The following RUFY1 variants were observed in gnomAD, a reference collection of about 807,000 sequenced individuals.
The protein encoded by RUFY1 is RUN and FYVE domain containing 1, also known as RUN and FYVE domain-containing protein 1.
In RUFY1, 54 loss-of-function variants were observed where a neutral mutation model predicts 94.6. The observed-to-expected ratio is 0.57, with a 90% CI of 0.46 to 0.72. The LOEUF (loss-of-function observed/expected upper bound fraction) is 0.72, where lower values mean the gene tolerates loss of function less well. Among genes scored for constraint, RUFY1 ranks in the 30% least tolerant of loss-of-function variants. The pLI, the probability that RUFY1 is intolerant of heterozygous loss-of-function variation, is 0.00. For synonymous variants in RUFY1, 396 were observed against 347.3 expected, an observed-to-expected ratio of 1.14 and a Z score of -1.56; for missense variants, 883 against 883.9, an observed-to-expected ratio of 1.00 and a Z score of 0.01.
chr5:179,593,262 G>A (rs992472150), intron 10 of RUFY1, among the ~76,000 whole-genome samples: 2 of 151,896 alleles, frequency 1.3e-5, no homozygotes, highest in African/African-American at 4.8e-5. Flanking sequence ...ATTTTTAGTA[G>A]AGATGGGGTT....
chr5:179,552,581 CTT>C (rs1761918537), intron 1 of RUFY1, among the ~76,000 whole-genome samples: 1 of 152,186 alleles, frequency 6.6e-6, no homozygotes, highest in Non-Finnish European at 1.5e-5. Context: ...TTTCCCGAGA[CTT>C]TTCCACACAT....
In RUFY1 at chr5:179,562,695, G is replaced by T. The variant is rs765041123; in HGVS notation, c.602+31G>T. ...TGAGAAGTAGTTCTGCCAATTTGAT[G>T]ATTTTAAAAACTCCCTCATATTTAC... On this transcript the variant is annotated intron_variant, in intron 3 of 17. Transcript: ENST00000319449. 11 of 1,183,254 alleles carry T rather than the reference G, an allele frequency of 9.3e-6. No individual in the cohort carries two copies. In the South Asian group the frequency reaches 1.3e-4, roughly 14 times the overall value. 73.3% of individuals were successfully genotyped at this position (1,183,254 alleles called of 1,614,324 possible). A position where few individuals can be genotyped will look rare whatever the true frequency, so the allele number is the denominator to read the frequency against.
chr5:179,575,910 T>C lies in RUFY1; in HGVS notation c.829-1165T>C, dbSNP rs543766311. 7.2e-5 allele frequency among the ~76,000 whole-genome samples: 11 copies of C among 152,126 alleles called. No individual in the cohort carries two copies. In the South Asian group the frequency reaches 1.0e-3, roughly 14 times the overall value. The stretch of plus-strand genomic sequence containing the variant: ...AATCCTCTCACCTCAGCCTCCCAAG[T>C]AGCTGGGACTACAGGCATGTACCAC... On this transcript the variant is annotated intron_variant, in intron 5 of 17. Coordinates refer to ENST00000319449, the MANE Select transcript of RUFY1 (RefSeq NM_025158.5).
Position 179,585,803 on chromosome 5 carries a change from G to A in RUFY1, c.964G>A (p.Val322Ile). The change falls in exon 8 of 18, where the codon GTT (valine) becomes ATT (isoleucine). Residue 322 changes from valine to isoleucine, a missense_variant. Transcript: ENST00000319449. Reference sequence around the variant, plus strand: ...TATTCTTATTTTCTACAGCTGCACAGTTGGGGATCTTCAAACCAAGATAGA... The same window carrying A: ...TATTCTTATTTTCTACAGCTGCACAATTGGGGATCTTCAAACCAAGATAGA... Reference protein sequence around the residue: ...EELNRHLSCTVGDLQTKIDGL... With the variant: ...EELNRHLSCTIGDLQTKIDGL... 7 of 1,611,272 alleles carry A rather than the reference G, an allele frequency of 4.3e-6. No homozygotes were observed. The highest frequency in any genetic ancestry group is 1.7e-4 in the Middle Eastern group (1 of 6,052).
At chr5:179,577,683 G>T (rs1329673252) in intron 6 of RUFY1, among the ~76,000 whole-genome samples, 1 of 150,818 alleles carries the variant, frequency 6.6e-6, no homozygotes, top group Non-Finnish European at 1.5e-5. Flanking sequence ...GAGCAAATCC[G>T]GGTTGGACTG....
chr5:179,554,793 C>A (rs573109562), intron 1 of RUFY1, among the ~76,000 whole-genome samples: 1 of 151,734 alleles, frequency 6.6e-6, no homozygotes, highest in South Asian at 2.1e-4. Context: ...CATGGTGAAA[C>A]CCCGTCTCCA....
Position 179,581,016 on chromosome 5 carries a change from A to G in RUFY1, c.956+4A>G. The stretch of plus-strand genomic sequence containing the variant: ...AAGAACTTAACCGGCACTTGAGGTA[A>G]GACTCCTTTTTTTTTCAATGTGACA... On this transcript the variant is annotated splice_donor_region_variant and intron_variant, in intron 7 of 17. Coordinates refer to ENST00000319449, the MANE Select transcript of RUFY1 (RefSeq NM_025158.5). 6.3e-7 allele frequency: 1 copy of G among 1,591,200 alleles called. No homozygotes were observed.
intron 6 of RUFY1, among the ~76,000 whole-genome samples, chr5:179,579,821 G>A (rs568148228): frequency 4.0e-5 from 6 of 151,200 alleles, no homozygotes; most frequent in Non-Finnish European, 7.4e-5. Flanking sequence ...ATGCCACCAC[G>A]CCCAGCTAAT....
Position 179,550,631 on chromosome 5 carries a change from AGCCGGG to A in RUFY1, c.72_77del (p.Pro26_Gly27del). 1 of 1,346,670 alleles carries A rather than the reference AGCCGGG, an allele frequency of 7.4e-7. No homozygotes were observed. Among genetic ancestry groups the A allele is most frequent in the Non-Finnish European group, 9.4e-7 (1 of 1,060,722 alleles). The allele number at this position is 1,346,670 out of a possible 1,614,324, so 83.4% of individuals were successfully genotyped here. On this transcript the variant is annotated inframe_deletion, in exon 1 of 18. Transcript: ENST00000319449. ...GGGCGGGAGCTGGAGCCGGAGCTGG[AGCCGGG>A]GCCGGGGCCCGGGTCAGCGCTTGAG...
chr5:179,608,535 G>A (rs1767349347), intron 17 of RUFY1: 1 of 985,498 alleles, frequency 1.0e-6, no homozygotes, highest in Non-Finnish European at 1.2e-6. Context: ...CACCCCCTTG[G>A]AATGCAGCAA....
At chr5:179,594,818 C>A in intron 11 of RUFY1, 48 bp from the exon 12 acceptor site, 3 of 1,117,984 alleles carry the variant, frequency 2.7e-6, no homozygotes, top group Non-Finnish European at 4.0e-6. Context: ...AGAGCAGGTG[C>A]AAGGATGTGG....
chr5:179,569,130 C>CAG (rs71591426), intron 4 of RUFY1, 172 bp from the exon 5 acceptor site: 387,435 of 983,798 alleles, frequency 0.39, 77,132 homozygotes, highest in East Asian at 0.72. Context: ...GAGGAGAGGA[C>CAG]GGGAGAAAAA....
At chr5:179,586,559 T>TG (rs1764619156) in intron 8 of RUFY1, 2 of 411,040 alleles carry the variant, frequency 4.9e-6, no homozygotes, top group Admixed American at 5.7e-5. Context: ...CTCCACGGCA[T>TG]GGAGGTGGGT....
At chr5:179,561,849 A>AT (rs563144613) in intron 2 of RUFY1, among the ~76,000 whole-genome samples, 9 of 146,412 alleles carry the variant, frequency 6.1e-5, no homozygotes, top group South Asian at 4.4e-4. Flanking sequence ...CTCTCGGCTA[A>AT]TTTTTTTTTT....
intron 5 of RUFY1, chr5:179,572,236 G>C: frequency 7.0e-6 from 2 of 287,258 alleles, no homozygotes; most frequent in Non-Finnish European, 1.4e-5. Flanking sequence ...CCTTCCAGGA[G>C]GTGAAGCTGT....
chr5:179,605,004 G>GAA (rs1204224690), intron 15 of RUFY1, among the ~76,000 whole-genome samples: 2 of 147,700 alleles, frequency 1.4e-5, no homozygotes, highest in African/African-American at 2.5e-5. Context: ...AAGAAAAAAA[G>GAA]AAAAAGGCTC....
At chr5:179,577,809 C>T (rs1763768622) in intron 6 of RUFY1, among the ~76,000 whole-genome samples, 1 of 137,610 alleles carries the variant, frequency 7.3e-6, no homozygotes, top group South Asian at 2.3e-4. Flanking sequence ...GTGCGCACAT[C>T]GGGTGGTGTC....
chr5:179,566,185 C>A (rs1326572581), intron 3 of RUFY1, among the ~76,000 whole-genome samples: 2 of 152,064 alleles, frequency 1.3e-5, no homozygotes, highest in Non-Finnish European at 2.9e-5. Flanking sequence ...CCAAGCAGCA[C>A]TTGAGAGGCC....
At chr5:179,595,333 G>C (rs955240680) in intron 12 of RUFY1, among the ~76,000 whole-genome samples, 2 of 152,144 alleles carry the variant, frequency 1.3e-5, no homozygotes, top group African/African-American at 4.8e-5. Flanking sequence ...CAAAAAATTA[G>C]TGGGCAACAA....
Sources: allele counts gnomAD v4.1 joint callset (sites outside exome capture counted in the v4.1 genomes callset), GRCh38; gene constraint gnomAD v4.1.1; transcripts MANE v1.5; gene names NCBI Gene and HGNC (gene_info 2026-07-23, HGNC 2026-07-21).